The following RAD51B variants were observed in gnomAD, a reference collection of about 807,000 sequenced individuals.
RAD51B encodes DNA repair protein RAD51 homolog 2.
In RAD51B, 38 loss-of-function variants were observed where a neutral mutation model predicts 42.2. The ratio of observed to expected loss-of-function variants is 0.90; its 90% CI spans 0.70 to 1.18. The LOEUF (loss-of-function observed/expected upper bound fraction) is 1.18, where lower values mean the gene tolerates loss of function less well. Among genes scored for constraint, RAD51B ranks in the 50% most tolerant of loss-of-function variants. The pLI is 0.00. For synonymous variants in RAD51B, 154 were observed against 145.2 expected (o/e 1.06, Z -0.43); for missense variants, 373 against 400.7 (o/e 0.93, Z 0.59).
chr14:68,458,726 G>A (rs2085766747), intron 9 of RAD51B, among the ~76,000 whole-genome samples: 2 of 150,258 alleles, frequency 1.3e-5, no homozygotes, highest in African/African-American at 2.4e-5. Context: ...TATTTTTTAG[G>A]GATTCAGATC....
intron 9 of RAD51B, among the ~76,000 whole-genome samples, chr14:68,425,485 A>T (rs1027721252): frequency 1.3e-5 from 2 of 152,250 alleles, no homozygotes; most frequent in Admixed American, 6.5e-5. Context: ...TAAGAAGACA[A>T]GTTCAGCCCC....
intron 9 of RAD51B, among the ~76,000 whole-genome samples, chr14:68,464,991 T>C (rs2085937522): frequency 1.3e-5 from 2 of 152,320 alleles, no homozygotes; most frequent in Admixed American, 6.5e-5. Flanking sequence ...AGACTGGCTA[T>C]TAGAAGGTGG....
At chr14:68,132,746 T>A (rs986062698) in intron 7 of RAD51B, among the ~76,000 whole-genome samples, 1 of 152,240 alleles carries the variant, frequency 6.6e-6, no homozygotes, top group Non-Finnish European at 1.5e-5. Context: ...GAGTATTAGC[T>A]CATTTTCCCT....
At chr14:68,329,967 C>A (rs9323506) in intron 8 of RAD51B, among the ~76,000 whole-genome samples, 1 of 147,688 alleles carries the variant, frequency 6.8e-6, no homozygotes, top group Non-Finnish European at 1.5e-5. Flanking sequence ...GGGCAACAGA[C>A]CGAGACTCTG....
In RAD51B at chr14:68,184,625, CA is replaced by C. The variant is rs3073458; in HGVS notation, c.757-107248del. On this transcript the variant is annotated intron_variant, in intron 7 of 10. Transcript: ENST00000471583. ...GCCCTGTCTAAAAAAAAAAAAAAACCAAAAAAAAAAACAGGAAGAAGAAGAA... is the reference window on the plus strand; with the variant it reads ...GCCCTGTCTAAAAAAAAAAAAAAACCAAAAAAAAAACAGGAAGAAGAAGAA... Among the ~76,000 whole-genome samples the C allele has an allele frequency of 1.9e-4, 25 of 132,386 alleles. 1 individual carries two copies. In the South Asian group the frequency reaches 4.5e-3, roughly 24 times the overall value. 86.9% of individuals were successfully genotyped at this position (132,386 alleles called of 152,430 possible). A position where few individuals can be genotyped will look rare whatever the true frequency, so the allele number is the denominator to read the frequency against.
At chr14:68,466,851 C>T (rs2085999128) in intron 9 of RAD51B, among the ~76,000 whole-genome samples, 1 of 152,158 alleles carries the variant, frequency 6.6e-6, no homozygotes, top group African/African-American at 2.4e-5. Flanking sequence ...GTAGGCTCTG[C>T]CATAGGCTCC....
At chr14:68,474,349 C>T (rs1882374212) in intron 10 of RAD51B, among the ~76,000 whole-genome samples, 1 of 152,184 alleles carries the variant, frequency 6.6e-6, no homozygotes, top group Non-Finnish European at 1.5e-5. Context: ...AGTTTGTTGT[C>T]ATCTTTCCAT....
intron 7 of RAD51B, among the ~76,000 whole-genome samples, chr14:67,938,509 G>A (rs1445039558): frequency 6.6e-6 from 1 of 152,186 alleles, no homozygotes; most frequent in African/African-American, 2.4e-5. Flanking sequence ...CATAATTGAG[G>A]GCGTAGGCCT....
At chr14:68,090,464 T>A (rs2077072147) in intron 7 of RAD51B, among the ~76,000 whole-genome samples, 1 of 152,154 alleles carries the variant, frequency 6.6e-6, no homozygotes, top group Non-Finnish European at 1.5e-5. Context: ...CTTTTAAGAC[T>A]GTATGAGACT....
intron 10 of RAD51B, among the ~76,000 whole-genome samples, chr14:68,545,853 T>C (rs1474395052): frequency 6.6e-6 from 1 of 152,112 alleles, no homozygotes; most frequent in Non-Finnish European, 1.5e-5. Flanking sequence ...GACTTTTGCT[T>C]GCCAATTTGG....
intron 8 of RAD51B, among the ~76,000 whole-genome samples, chr14:68,354,173 C>T (rs972316189): frequency 1.3e-4 from 20 of 149,108 alleles, no homozygotes; most frequent in African/African-American, 4.7e-4. Context: ...ATTATAAGAA[C>T]TTTTGTGTCT....
chr14:68,257,046 A>G (rs1183733536), intron 7 of RAD51B, among the ~76,000 whole-genome samples: 11 of 152,248 alleles, frequency 7.2e-5, no homozygotes, highest in Non-Finnish European at 1.6e-4. Context: ...AATTAATTGC[A>G]GCATTAAAAC....
chr14:67,904,411 A>G (rs1373231670), intron 7 of RAD51B, among the ~76,000 whole-genome samples: 1 of 151,072 alleles, frequency 6.6e-6, no homozygotes, highest in Admixed American at 6.6e-5. Context: ...GCTAGCATCT[A>G]TTATTTTTTG....
At chr14:68,103,313 C>T (rs192100661) in intron 7 of RAD51B, among the ~76,000 whole-genome samples, 1 of 152,192 alleles carries the variant, frequency 6.6e-6, no homozygotes, top group Admixed American at 6.5e-5. Context: ...CAGGAGTTAT[C>T]ATAATAGTTT....
intron 9 of RAD51B, among the ~76,000 whole-genome samples, chr14:68,441,162 A>G (rs2085275845): frequency 6.6e-6 from 1 of 152,224 alleles, no homozygotes; most frequent in Admixed American, 6.5e-5. Context: ...AGTTTCCTTC[A>G]TTAGCCTACA....
chr14:68,511,017 G>A (rs2140313214), intron 10 of RAD51B, among the ~76,000 whole-genome samples: 1 of 152,250 alleles, frequency 6.6e-6, no homozygotes, highest in East Asian at 1.9e-4. Context: ...GAGGCCCAGA[G>A]AGATGCTCAT....
chr14:68,152,153 AT>A (rs2078402652), intron 7 of RAD51B, among the ~76,000 whole-genome samples: 1 of 152,060 alleles, frequency 6.6e-6, no homozygotes, highest in African/African-American at 2.4e-5. Context: ...CATAAAGACT[AT>A]TTTAATGTTC....
intron 10 of RAD51B, among the ~76,000 whole-genome samples, chr14:68,559,056 G>A (rs981400560): frequency 1.3e-5 from 2 of 150,326 alleles, no homozygotes; most frequent in Admixed American, 1.3e-4. Context: ...ATCTCTAATA[G>A]GTATTTGTAA....
At chr14:68,055,112 A>G (rs2076453714) in intron 7 of RAD51B, among the ~76,000 whole-genome samples, 2 of 152,186 alleles carry the variant, frequency 1.3e-5, no homozygotes, top group South Asian at 4.1e-4. Context: ...ATAAACTGAT[A>G]TTCCTGACAA....
Sources: gnomAD v4.1 joint callset for allele counts (sites outside exome capture counted in the v4.1 genomes callset) on GRCh38, gnomAD v4.1.1 for gene constraint, MANE v1.5 for transcripts, NCBI Gene and HGNC (gene_info 2026-07-23, HGNC 2026-07-21) for gene names.